The following ERAP1 variants were observed in gnomAD, a reference collection of about 807,000 sequenced individuals.
ERAP1 encodes the protein endoplasmic reticulum aminopeptidase 1, also known as adipocyte-derived leucine aminopeptidase.
Under a neutral mutation model 103.7 loss-of-function variants are expected in ERAP1, and 86 were observed. That is an observed-to-expected ratio of 0.83 (90% CI 0.70 to 0.99). The LOEUF is 0.99. ERAP1 is among the 50% of genes least tolerant of loss of function. The probability of loss-of-function intolerance (pLI) is 0.00; values close to 1 mark genes in which losing one functional copy is unlikely to be tolerated. For synonymous variants in ERAP1, 398 were observed against 402.4 expected, an observed-to-expected ratio of 0.99 and a Z score of 0.13; for missense variants, 1,009 against 1,128.4, an observed-to-expected ratio of 0.89 and a Z score of 1.52.
chr5:96,896,965 T>TAAGTCATTTGTTGGGTAACGATAGACTG, the ERAP1 span: 1 of 987,684 alleles, frequency 1.0e-6, no homozygotes, highest in Non-Finnish European at 1.4e-6. Flanking sequence ...GTCAACCATA[T>TAAGTCATTTGTTGGGTAACGATAGACTG]TTATTCTGCT....
the ERAP1 span, among the ~76,000 whole-genome samples, chr5:96,853,459 A>C: frequency 6.6e-6 from 1 of 152,198 alleles, no homozygotes; most frequent in Non-Finnish European, 1.5e-5. Flanking sequence ...TTATTCCAAA[A>C]GTCAATATCA....
the ERAP1 span, among the ~76,000 whole-genome samples, chr5:96,889,801 T>C: frequency 2.0e-5 from 3 of 150,682 alleles, no homozygotes; most frequent in Non-Finnish European, 4.4e-5. Context: ...CAGCATTGAT[T>C]AGAGAATGGA....
At chr5:96,823,779 A>AT in the ERAP1 span, among the ~76,000 whole-genome samples, 1 of 152,040 alleles carries the variant, frequency 6.6e-6, no homozygotes, top group South Asian at 2.1e-4. Context: ...TCAACATACA[A>AT]TTTTTTCCCT....
the ERAP1 span, among the ~76,000 whole-genome samples, chr5:96,844,503 G>T: frequency 6.6e-6 from 1 of 152,134 alleles, no homozygotes; most frequent in East Asian, 1.9e-4. Flanking sequence ...GCAATTAAAA[G>T]AACCTAAAAT....
the ERAP1 span, among the ~76,000 whole-genome samples, chr5:96,830,408 T>C: frequency 6.6e-6 from 1 of 152,160 alleles, no homozygotes; most frequent in East Asian, 1.9e-4. Flanking sequence ...CAAAAAACTG[T>C]AGCATGGTGC....
chr5:96,800,894 G>T lies in ERAP1; in HGVS notation c.631C>A (p.Pro211Thr). The change falls in exon 3 of 19, where the codon CCA (proline) becomes ACA (threonine). Residue 211 changes from proline (P) to threonine (T), a missense_variant. Transcript: ENST00000443439. ...ASFSIKIRRE[P>T]RHLAISNMPL... is the part of the protein sequence containing the mutation. ...ATATTGGAGATGGCTAGGTGCCTTG[G>T]CTCTCTTCTAATTTTGATTGAGAAA... The T allele has an allele frequency of 6.2e-7, 1 of 1,614,112 alleles. No individual in the cohort carries two copies. The highest frequency in any genetic ancestry group is 2.2e-5 in the East Asian group (1 of 44,876).
the ERAP1 span, among the ~76,000 whole-genome samples, chr5:96,871,783 T>C: frequency 2.6e-5 from 4 of 152,236 alleles, no homozygotes; most frequent in African/African-American, 9.6e-5. Context: ...GTTTTTGTTT[T>C]CAGTAAGTGC....
the ERAP1 span, chr5:96,876,253 G>C: frequency 1.3e-5 from 2 of 152,340 alleles, no homozygotes; most frequent in Admixed American, 1.3e-4. Context: ...GACAAGGGAA[G>C]GGAGGTGATA....
At chr5:96,878,654 G>A in the ERAP1 span, among the ~76,000 whole-genome samples, 3 of 152,078 alleles carry the variant, frequency 2.0e-5, no homozygotes, top group South Asian at 4.2e-4. Flanking sequence ...ATGGCCAGGC[G>A]CAGTGACCCA....
At chr5:96,767,461 A>G (rs548563516) in intron 19 of ERAP1, 1 of 1,612,988 alleles carries the variant, frequency 6.2e-7, no homozygotes, top group African/African-American at 1.3e-5. Flanking sequence ...AGCCACCTAC[A>G]AAGAAATCAG....
chr5:96,858,301 G>A, the ERAP1 span, among the ~76,000 whole-genome samples: 14 of 148,692 alleles, frequency 9.4e-5, no homozygotes, highest in African/African-American at 3.0e-4. Context: ...TCCAACCTCC[G>A]CTTCCTGGGT....
the ERAP1 span, among the ~76,000 whole-genome samples, chr5:96,818,192 A>G: frequency 1.3e-5 from 2 of 152,228 alleles, no homozygotes; most frequent in Admixed American, 1.3e-4. Flanking sequence ...CATATTGCCA[A>G]AAATCAAGTT....
chr5:96,886,473 G>A, the ERAP1 span, among the ~76,000 whole-genome samples: 2 of 152,288 alleles, frequency 1.3e-5, no homozygotes, highest in Admixed American at 1.3e-4. Context: ...AGAGTGTTGG[G>A]GTAAAAGCAA....
At chr5:96,912,287 C>T in the ERAP1 span, among the ~76,000 whole-genome samples, 1 of 151,118 alleles carries the variant, frequency 6.6e-6, no homozygotes. Flanking sequence ...CTTATAGCAC[C>T]AATAGTGGCC....
At chr5:96,840,438 C>A in the ERAP1 span, among the ~76,000 whole-genome samples, 2 of 152,118 alleles carry the variant, frequency 1.3e-5, no homozygotes, top group African/African-American at 2.4e-5. Flanking sequence ...AAGCCCATAA[C>A]ATAAAATTTA....
the ERAP1 span, among the ~76,000 whole-genome samples, chr5:96,876,719 C>T: frequency 6.6e-6 from 1 of 152,108 alleles, no homozygotes; most frequent in Non-Finnish European, 1.5e-5. Flanking sequence ...TGATCTAAGA[C>T]GCTGCTGCAC....
the ERAP1 span, among the ~76,000 whole-genome samples, chr5:96,901,175 T>G: frequency 8.1e-6 from 1 of 123,872 alleles, no homozygotes; most frequent in Admixed American, 8.6e-5. Flanking sequence ...GGGTTTTGTT[T>G]GTTTGTTTGT....
Position 96,790,644 on chromosome 5 carries a change from C to CG in ERAP1, c.1321-2_1321-1insC. On this transcript the variant is annotated splice_acceptor_variant, in intron 8 of 18. Transcript: ENST00000443439. LOFTEE classifies it high-confidence loss of function. ...TTAGCATATTCAGAATACAAGCTCCCTGAAAAGATAATAGAAATAATTGTT... is the reference window on the plus strand; with the variant it reads ...TTAGCATATTCAGAATACAAGCTCCCGTGAAAAGATAATAGAAATAATTGTT... 6.2e-7 allele frequency: 1 copy of CG among 1,607,876 alleles called. No individual in the cohort carries two copies. Among genetic ancestry groups the CG allele is most frequent in the Non-Finnish European group, 8.5e-7 (1 of 1,174,450 alleles).
chr5:96,909,986 C>T, the ERAP1 span: 1 of 439,944 alleles, frequency 2.3e-6, no homozygotes. Flanking sequence ...CCGGTGCTGG[C>T]TGGATGCAGT....
Sources: gnomAD v4.1 joint callset for allele counts (sites outside exome capture counted in the v4.1 genomes callset) on GRCh38, gnomAD v4.1.1 for gene constraint, MANE v1.5 for transcripts, NCBI Gene and HGNC (gene_info 2026-07-23, HGNC 2026-07-21) for gene names.